Variants in MYO16 observed in about 807,000 individuals in gnomAD.
MYO16 encodes myosin XVI, also known as unconventional myosin-XVI.
Under a neutral mutation model 205.3 loss-of-function variants are expected in MYO16, and 94 were observed. The observed-to-expected ratio is 0.46, with a 90% CI of 0.39 to 0.54. MYO16 has a LOEUF of 0.54. Among genes scored for constraint, MYO16 ranks in the 20% least tolerant of loss-of-function variants. MYO16 has a pLI of 0.00. For missense variants in MYO16, 2,315 were observed against 2,387.5 expected, an observed-to-expected ratio of 0.97 and a Z score of 0.63; for synonymous variants, 988 against 954.0, an observed-to-expected ratio of 1.04 and a Z score of -0.66.
intron 31 of MYO16, among the ~76,000 whole-genome samples, chr13:109,136,760 C>T (rs1180202856): frequency 1.3e-5 from 2 of 152,198 alleles, no homozygotes; most frequent in East Asian, 3.8e-4. Flanking sequence ...GGCCACCACG[C>T]TTCCCTGATG....
At chr13:108,593,395 C>G (rs1242399003), upstream of MYO16, among the ~76,000 whole-genome samples, 2 of 152,092 alleles carry the variant, frequency 1.3e-5, no homozygotes, top group African/African-American at 4.8e-5. Flanking sequence ...GGAATCAGTT[C>G]CCGGAGGGAG....
chr13:108,585,561 A>G, the MYO16 span, among the ~76,000 whole-genome samples: 5 of 152,212 alleles, frequency 3.3e-5, no homozygotes, highest in Admixed American at 1.3e-4. Flanking sequence ...GGATCTGGAA[A>G]GAAAGGAAGG....
intron 23 of MYO16, among the ~76,000 whole-genome samples, chr13:109,031,707 T>G (rs1886551736): frequency 6.6e-6 from 1 of 152,188 alleles, no homozygotes. Context: ...CTTAATATTT[T>G]GGGCTTATAT....
intron 34 of MYO16, among the ~76,000 whole-genome samples, chr13:109,206,379 ACT>A (rs1880598504): frequency 6.6e-6 from 1 of 151,946 alleles, no homozygotes; most frequent in East Asian, 1.9e-4. Flanking sequence ...ACACCTTAAC[ACT>A]CTACCTAGTT....
chr13:108,662,542 T>C (rs1881549322), intron 1 of MYO16, among the ~76,000 whole-genome samples: 1 of 152,012 alleles, frequency 6.6e-6, no homozygotes, highest in Non-Finnish European at 1.5e-5. Flanking sequence ...TGTTGAGTCA[T>C]GCAGGTTGTC....
chr13:108,646,758 T>C (rs1225171426), intron 1 of MYO16, among the ~76,000 whole-genome samples: 1 of 152,162 alleles, frequency 6.6e-6, no homozygotes, highest in African/African-American at 2.4e-5. Context: ...AATTTTGACA[T>C]TATTTAGAAA....
intron 21 of MYO16, among the ~76,000 whole-genome samples, chr13:108,996,586 G>T (rs1369365606): frequency 6.6e-6 from 1 of 152,136 alleles, no homozygotes; most frequent in African/African-American, 2.4e-5. Flanking sequence ...CATACCATCT[G>T]CAAATTGCTT....
intron 29 of MYO16, among the ~76,000 whole-genome samples, chr13:109,124,751 A>T (rs939601833): frequency 6.6e-6 from 1 of 152,170 alleles, no homozygotes; most frequent in African/African-American, 2.4e-5. Context: ...TAATAATGTG[A>T]TGTAATGAAA....
chr13:108,776,719 C>G (rs1009284183), intron 4 of MYO16, among the ~76,000 whole-genome samples: 1 of 152,186 alleles, frequency 6.6e-6, no homozygotes, highest in African/African-American at 2.4e-5. Flanking sequence ...AAGCCTGATA[C>G]AGAGCTATCC....
intron 16 of MYO16, among the ~76,000 whole-genome samples, chr13:108,947,264 G>T (rs1279469572): frequency 6.6e-6 from 1 of 152,118 alleles, no homozygotes; most frequent in Non-Finnish European, 1.5e-5. Flanking sequence ...ATGCTTTCTG[G>T]TCACCTTCTC....
At chr13:109,002,579 C>T (rs1028592883) in intron 21 of MYO16, among the ~76,000 whole-genome samples, 1 of 152,118 alleles carries the variant, frequency 6.6e-6, no homozygotes, top group Non-Finnish European at 1.5e-5. Flanking sequence ...GAATACTCAC[C>T]TTTCACCCAC....
chr13:108,550,708 C>T, the MYO16 span, among the ~76,000 whole-genome samples: 1 of 152,088 alleles, frequency 6.6e-6, no homozygotes, highest in Non-Finnish European at 1.5e-5. Flanking sequence ...TTTTCTTAGA[C>T]CTACCAAAGC....
the MYO16 span, among the ~76,000 whole-genome samples, chr13:108,576,398 G>T: frequency 6.6e-6 from 1 of 152,168 alleles, no homozygotes; most frequent in African/African-American, 2.4e-5. Context: ...ATTGGCCACT[G>T]TCATACTGAG....
intron 4 of MYO16, among the ~76,000 whole-genome samples, chr13:108,763,132 G>C (rs1885664217): frequency 6.6e-6 from 1 of 152,022 alleles, no homozygotes; most frequent in Non-Finnish European, 1.5e-5. Context: ...TCTTTATTGA[G>C]GGTCTACTAT....
chr13:108,807,513 T>C (rs1457119620), intron 7 of MYO16, among the ~76,000 whole-genome samples: 3 of 152,190 alleles, frequency 2.0e-5, no homozygotes, highest in African/African-American at 7.2e-5. Flanking sequence ...TGAATTGTGC[T>C]TCTATGGTGA....
chr13:108,914,405 C>T (rs909191357), intron 16 of MYO16, among the ~76,000 whole-genome samples: 2 of 152,072 alleles, frequency 1.3e-5, no homozygotes, highest in Non-Finnish European at 2.9e-5. Context: ...TGCTCACTCA[C>T]TTATCCCACA....
At chr13:108,731,711 C>G (rs1019413559) in intron 4 of MYO16, among the ~76,000 whole-genome samples, 1 of 152,156 alleles carries the variant, frequency 6.6e-6, no homozygotes, top group African/African-American at 2.4e-5. Context: ...CTTCTACTAA[C>G]CAATCATCAT....
chr13:108,747,015 T>A (rs1220892840), intron 4 of MYO16, among the ~76,000 whole-genome samples: 1 of 152,162 alleles, frequency 6.6e-6, no homozygotes, highest in Non-Finnish European at 1.5e-5. Flanking sequence ...CTTAAAATGC[T>A]AAAAAGAAAC....
chr13:108,642,711 C>T (rs1380093439), intron 1 of MYO16, among the ~76,000 whole-genome samples: 2 of 152,126 alleles, frequency 1.3e-5, no homozygotes, highest in African/African-American at 2.4e-5. Flanking sequence ...AGCCACCGTG[C>T]CCGGCCTTTG....
Sources: allele counts gnomAD v4.1 joint callset (sites outside exome capture counted in the v4.1 genomes callset), GRCh38; gene constraint gnomAD v4.1.1; transcripts MANE v1.5; gene names NCBI Gene and HGNC (gene_info 2026-07-23, HGNC 2026-07-21).